The following ARHGAP18 variants were observed in gnomAD, a reference collection of about 807,000 sequenced individuals.
The protein encoded by ARHGAP18 is Rho GTPase activating protein 18, also known as rho GTPase-activating protein 18.
In ARHGAP18, 67 loss-of-function variants were observed where a neutral mutation model predicts 86.2. The observed-to-expected ratio is 0.78, with a 90% CI of 0.64 to 0.95. The LOEUF (loss-of-function observed/expected upper bound fraction) is 0.95, where lower values mean the gene tolerates loss of function less well. ARHGAP18 is among the 40% of genes least tolerant of loss of function. ARHGAP18 has a pLI of 0.00. For missense variants in ARHGAP18, 691 were observed against 780.4 expected (o/e 0.89, Z 1.37); for synonymous variants, 283 against 280.4 (o/e 1.01, Z -0.09).
At chr6:129,622,810 G>A (rs1026645020) in intron 5 of ARHGAP18, among the ~76,000 whole-genome samples, 1 of 151,978 alleles carries the variant, frequency 6.6e-6, no homozygotes, top group Non-Finnish European at 1.5e-5. Flanking sequence ...AGACCAGCCT[G>A]ACCAACATGG....
At chr6:129,686,971 T>TCC (rs1774436743) in intron 1 of ARHGAP18, among the ~76,000 whole-genome samples, 1 of 59,704 alleles carries the variant, frequency 1.7e-5, no homozygotes, top group South Asian at 8.3e-4. Context: ...TTTTTTCTTT[T>TCC]TTTTTTCTTT....
intron 1 of ARHGAP18, among the ~76,000 whole-genome samples, chr6:129,694,524 G>A (rs975220891): frequency 1.3e-5 from 2 of 152,172 alleles, no homozygotes; most frequent in Non-Finnish European, 2.9e-5. Context: ...GGAAAAACTT[G>A]TAACACATCT....
intron 1 of ARHGAP18, among the ~76,000 whole-genome samples, chr6:129,696,191 T>C (rs1459505385): frequency 6.6e-6 from 1 of 152,244 alleles, no homozygotes; most frequent in East Asian, 1.9e-4. Context: ...TCTAAAATAC[T>C]GCATCTGTGT....
intron 1 of ARHGAP18, among the ~76,000 whole-genome samples, chr6:129,659,675 T>G (rs1408690219): frequency 6.6e-6 from 1 of 152,176 alleles, no homozygotes; most frequent in South Asian, 2.1e-4. Flanking sequence ...TTTCGGCATG[T>G]CGGCCAGGCT....
rs767450745 is a variant in ARHGAP18, at chr6:129,599,207, T to C, written c.1713+9A>G. On this transcript the variant is annotated intron_variant, in intron 12 of 14. Coordinates refer to ENST00000368149, the MANE Select transcript of ARHGAP18 (RefSeq NM_033515.3). Reference sequence around the variant, plus strand: ...TCTGAATAAATACATATCTCCACTATTTTCTTACATCATTTGTACTCTTAT... The same window carrying C: ...TCTGAATAAATACATATCTCCACTACTTTCTTACATCATTTGTACTCTTAT... 2.9e-5 allele frequency: 45 copies of C among 1,532,070 alleles called. No individual in the cohort carries two copies. In the South Asian group the frequency reaches 5.8e-4, roughly 20 times the overall value. 94.9% of individuals were successfully genotyped at this position (1,532,070 alleles called of 1,614,324 possible). A position where few individuals can be genotyped will look rare whatever the true frequency, so the allele number is the denominator to read the frequency against.
intron 1 of ARHGAP18, among the ~76,000 whole-genome samples, chr6:129,699,032 T>C (rs1774668910): frequency 6.6e-6 from 1 of 151,710 alleles, no homozygotes; most frequent in Non-Finnish European, 1.5e-5. Flanking sequence ...AGAGATAGGG[T>C]TTCACCATAT....
chr6:129,696,345 T>C (rs768057592), intron 1 of ARHGAP18, among the ~76,000 whole-genome samples: 2 of 152,230 alleles, frequency 1.3e-5, no homozygotes, highest in Non-Finnish European at 2.9e-5. Flanking sequence ...GAACTTCCTA[T>C]AGACCCTGTT....
intron 1 of ARHGAP18, among the ~76,000 whole-genome samples, chr6:129,666,820 C>T (rs753664491): frequency 3.9e-5 from 6 of 152,200 alleles, no homozygotes; most frequent in Middle Eastern, 3.2e-3. Flanking sequence ...TATCTCATCC[C>T]ACAAATAAGG....
intron 1 of ARHGAP18, among the ~76,000 whole-genome samples, chr6:129,659,836 CA>C (rs1010590016): frequency 3.3e-5 from 5 of 152,184 alleles, no homozygotes; most frequent in African/African-American, 1.2e-4. Flanking sequence ...AGGGAAGTCA[CA>C]AGCTCTAGTG....
Position 129,605,966 on chromosome 6 carries a change from A to T in ARHGAP18, c.1283-7T>A. Reference sequence around the variant, plus strand: ...TGCTTCTTGGTTGGAAGATCTGCAGACAAATTAAATAAATCTGAACTCTTT... The same window carrying T: ...TGCTTCTTGGTTGGAAGATCTGCAGTCAAATTAAATAAATCTGAACTCTTT... On this transcript the variant is annotated splice_polypyrimidine_tract_variant and splice_region_variant and intron_variant, in intron 9 of 14. Transcript: ENST00000368149. The T allele has an allele frequency of 6.2e-7, 1 of 1,612,184 alleles. No homozygotes were observed. Among genetic ancestry groups the T allele is most frequent in the Non-Finnish European group, 8.5e-7 (1 of 1,178,428 alleles).
chr6:129,673,910 T>C (rs2114530476), intron 1 of ARHGAP18, among the ~76,000 whole-genome samples: 1 of 152,276 alleles, frequency 6.6e-6, no homozygotes, highest in East Asian at 1.9e-4. Context: ...GTTTCAAAAG[T>C]ACTGGCTCAA....
intron 1 of ARHGAP18, among the ~76,000 whole-genome samples, chr6:129,690,223 TC>T (rs1774502123): frequency 6.6e-6 from 1 of 152,160 alleles, no homozygotes; most frequent in South Asian, 2.1e-4. Flanking sequence ...ACTTATATTA[TC>T]TTCACATACA....
chr6:129,600,524 A>G, intron 11 of ARHGAP18, 118 bp downstream of exon 11: 1 of 800,226 alleles, frequency 1.2e-6, no homozygotes, highest in Non-Finnish European at 1.9e-6. Flanking sequence ...CTATATGAAT[A>G]AAATGTTTTT....
At chr6:129,601,510 G>GA (rs1788744242) in intron 10 of ARHGAP18, among the ~76,000 whole-genome samples, 1 of 149,862 alleles carries the variant, frequency 6.7e-6, no homozygotes, top group Non-Finnish European at 1.5e-5. Context: ...AGAGAAAAGA[G>GA]AAAAGAGAGA....
At chr6:129,692,455 C>A (rs370211883) in intron 1 of ARHGAP18, among the ~76,000 whole-genome samples, 1 of 152,058 alleles carries the variant, frequency 6.6e-6, no homozygotes. Flanking sequence ...TGCCTGGGTA[C>A]GGAGAAATGA....
At chr6:129,707,065 A>G (rs942410985) in intron 1 of ARHGAP18, among the ~76,000 whole-genome samples, 2 of 141,766 alleles carry the variant, frequency 1.4e-5, no homozygotes, top group African/African-American at 2.6e-5. Context: ...CGACTCCACT[A>G]AAAAAAAAAA....
intron 6 of ARHGAP18, among the ~76,000 whole-genome samples, chr6:129,618,317 A>T (rs1789139041): frequency 6.6e-6 from 1 of 152,332 alleles, no homozygotes; most frequent in East Asian, 1.9e-4. Context: ...ACTTAGAATC[A>T]ACTGTCTTAA....
intron 13 of ARHGAP18, among the ~76,000 whole-genome samples, chr6:129,583,148 AC>A (rs1187011591): frequency 6.6e-6 from 1 of 152,194 alleles, no homozygotes; most frequent in African/African-American, 2.4e-5. Flanking sequence ...TCAATGAAAG[AC>A]CAAGACAGAG....
chr6:129,705,280 A>G (rs1391130424), intron 1 of ARHGAP18, among the ~76,000 whole-genome samples: 1 of 152,242 alleles, frequency 6.6e-6, no homozygotes, highest in Non-Finnish European at 1.5e-5. Flanking sequence ...ATAAGCTTAT[A>G]AAGATGATAG....
Sources: gnomAD v4.1 joint callset for allele counts (sites outside exome capture counted in the v4.1 genomes callset) on GRCh38, gnomAD v4.1.1 for gene constraint, MANE v1.5 for transcripts, NCBI Gene and HGNC (gene_info 2026-07-23, HGNC 2026-07-21) for gene names.